Variants in PCGF6 observed in about 807,000 individuals in gnomAD.
PCGF6 encodes the protein polycomb group ring finger 6, also known as polycomb group RING finger protein 6.
A neutral mutation model predicts 45.5 loss-of-function variants in PCGF6; 24 were observed. The ratio of observed to expected loss-of-function variants is 0.53; its 90% confidence interval spans 0.38 to 0.74. The LOEUF is 0.74. PCGF6 is among the 30% of genes least tolerant of loss of function. The probability of loss-of-function intolerance (pLI) is 0.00; values close to 1 mark genes in which losing one functional copy is unlikely to be tolerated. For synonymous variants in PCGF6, 152 were observed against 162.1 expected (o/e 0.94, Z 0.47); for missense variants, 356 against 443.2 (o/e 0.80, Z 1.77).
At chr10:103,339,393 G>T (rs1217664326) in intron 6 of PCGF6, among the ~76,000 whole-genome samples, 1 of 151,452 alleles carries the variant, frequency 6.6e-6, no homozygotes, top group Non-Finnish European at 1.5e-5. Context: ...CTGTCTCAAG[G>T]AGGAAAAAAC....
intron 8 of PCGF6, among the ~76,000 whole-genome samples, chr10:103,322,798 T>C (rs1268623514): frequency 6.6e-6 from 1 of 150,806 alleles, no homozygotes; most frequent in Non-Finnish European, 1.5e-5. Context: ...CACTCCAGCA[T>C]GGGTGACAGA....
intron 9 of PCGF6, chr10:103,312,504 T>C (rs750831463): frequency 1.3e-5 from 2 of 153,378 alleles, no homozygotes; most frequent in Non-Finnish European, 2.9e-5. Context: ...AATCTCTTGA[T>C]GTTGATTCTG....
chr10:103,347,465 G>A lies in PCGF6; in HGVS notation c.558-15C>T. ...GTCGGTCCAACCTAATAAAAGGAAAGGATGGAGAATACCTCAGAATTCAGA... is the reference window on the plus strand; with the variant it reads ...GTCGGTCCAACCTAATAAAAGGAAAAGATGGAGAATACCTCAGAATTCAGA... On this transcript the variant is annotated splice_polypyrimidine_tract_variant and intron_variant, in intron 3 of 9. Coordinates refer to ENST00000369847, the MANE Select transcript of PCGF6 (RefSeq NM_001011663.2). 6.3e-7 allele frequency: 1 copy of A among 1,590,456 alleles called. No individual in the cohort carries two copies. The highest frequency in any genetic ancestry group is 8.6e-7 in the Non-Finnish European group (1 of 1,162,156).
intron 6 of PCGF6, among the ~76,000 whole-genome samples, chr10:103,339,743 G>A (rs1420088026): frequency 6.8e-6 from 1 of 147,004 alleles, no homozygotes; most frequent in African/African-American, 2.5e-5. Context: ...GTTGCAGTAA[G>A]CCAAGATCGC....
chr10:103,339,813 ACACACACAC>A lies in PCGF6; in HGVS notation c.782+5202_782+5210del, dbSNP rs1564733279. Among the ~76,000 whole-genome samples, 115 of 16,938 alleles carry A rather than the reference ACACACACAC, an allele frequency of 6.8e-3. 1 individual carries two copies. The highest frequency in any genetic ancestry group is 8.8e-3 in the East Asian group (2 of 228). The allele number at this position is 16,938 out of a possible 152,430, so 11.1% of individuals were successfully genotyped here. A position where few individuals can be genotyped will look rare whatever the true frequency, so the allele number is the denominator to read the frequency against. On this transcript the variant is annotated intron_variant, in intron 6 of 9. Coordinates refer to ENST00000369847, the MANE Select transcript of PCGF6 (RefSeq NM_001011663.2). ...ATTCTGTCTGTCTCAAAAAAAAAACACACACACACACACACACACACACACACACACACA... is the reference window on the plus strand; with the variant it reads ...ATTCTGTCTGTCTCAAAAAAAAAACAACACACACACACACACACACACACA...
At chr10:103,337,127 A>G (rs2093260026) in intron 6 of PCGF6, among the ~76,000 whole-genome samples, 1 of 152,150 alleles carries the variant, frequency 6.6e-6, no homozygotes, top group African/African-American at 2.4e-5. Flanking sequence ...ATACCTGTTT[A>G]CCAATATCTC....
In PCGF6 at chr10:103,350,782, C is replaced by G; in HGVS notation, c.285G>C (p.Glu95Asp). 6.4e-7 allele frequency: 1 copy of G among 1,550,628 alleles called. No individual in the cohort carries two copies. ...EEEEELEEEE[E>D]EEEEDMSHFS... ...AGTGACTCATGTCCTCCTCCTCCTC[C>G]TCTTCTTCCTCCTCCAGCTCCTCTT... Residue 95 changes from glutamate to aspartate, a missense_variant, in exon 1 of 10, where the codon GAG becomes GAC. By Grantham distance (45) the Glu-to-Asp change is conservative. Around this residue, in one of 2 missense-constraint regions of PCGF6, gnomAD observed 307 missense variants for 350.1 expected, o/e 0.88. Transcript: ENST00000369847.
At chr10:103,349,479 G>GGTT (rs1554866488) in intron 1 of PCGF6, among the ~76,000 whole-genome samples, 5 of 108,148 alleles carry the variant, frequency 4.6e-5, no homozygotes, top group Non-Finnish European at 8.6e-5. Context: ...CTTTCTTTCC[G>GGTT]TTTTTTTTTT....
chr10:103,344,971 A>G (rs2093294059), intron 6 of PCGF6, 53 bp downstream of exon 6: 9 of 1,235,002 alleles, frequency 7.3e-6, no homozygotes, highest in Admixed American at 4.3e-5. Flanking sequence ...ATGATTTCCT[A>G]TTAGGACTTT....
intron 7 of PCGF6, among the ~76,000 whole-genome samples, chr10:103,331,440 T>C (rs1158897575): frequency 6.6e-6 from 1 of 152,012 alleles, no homozygotes; most frequent in Non-Finnish European, 1.5e-5. Context: ...GTATTTTTAA[T>C]AGAGATAGAG....
intron 6 of PCGF6, among the ~76,000 whole-genome samples, chr10:103,338,233 C>T (rs1284596922): frequency 6.7e-6 from 1 of 148,338 alleles, no homozygotes; most frequent in African/African-American, 2.5e-5. Context: ...AAGAGAAAAC[C>T]CTGTCTCAAA....
rs1301623231 is a variant in PCGF6, at chr10:103,309,932, AAC to A, written c.996+4252_996+4253del. 9.9e-5 allele frequency among the ~76,000 whole-genome samples: 15 copies of A among 151,692 alleles called. No individual in the cohort carries two copies. In the Admixed American group the frequency reaches 9.9e-4, roughly 10 times the overall value. ...ATTCCATGCATTCTAGGCTGGGCAAAACAGAGTGAGACCTTGTCTTTCTTTTT... is the reference window on the plus strand; with the variant it reads ...ATTCCATGCATTCTAGGCTGGGCAAAAGAGTGAGACCTTGTCTTTCTTTTT... On this transcript the variant is annotated intron_variant, in intron 9 of 9. Transcript: ENST00000369847.
In PCGF6 at chr10:103,341,816, GAAAAC is replaced by G. The variant is rs920120525; in HGVS notation, c.782+3203_782+3207del. Among the ~76,000 whole-genome samples, 11 of 152,076 alleles carry G rather than the reference GAAAAC, an allele frequency of 7.2e-5. No homozygotes were observed. In the South Asian group the frequency reaches 8.3e-4, roughly 12 times the overall value. ...ACTCCAGCCTTCTTTTGATTAGTAT[GAAAAC>G]AAAACAAAAGTCACATTGTCACATG... On this transcript the variant is annotated intron_variant, in intron 6 of 9. Transcript: ENST00000369847.
intron 8 of PCGF6, among the ~76,000 whole-genome samples, chr10:103,323,443 T>C (rs1663072410): frequency 6.6e-6 from 1 of 152,056 alleles, no homozygotes. Flanking sequence ...ATTACAAGCA[T>C]GCGCCACCAC....
In PCGF6 at chr10:103,311,894, G is replaced by A. The variant is rs1211444148; in HGVS notation, c.996+2292C>T. 2.7e-5 allele frequency among the ~76,000 whole-genome samples: 4 copies of A among 149,248 alleles called. No homozygotes were observed. In the East Asian group the frequency reaches 8.2e-4, roughly 30 times the overall value. ...ACTTGAGGCCAAGAGTTTGAGATTA[G>A]CCTCGCCAACACGGTGAAACCTCAT... On this transcript the variant is annotated intron_variant, in intron 9 of 9. Transcript: ENST00000369847.
chr10:103,349,910 G>A (rs1183024156), intron 1 of PCGF6, among the ~76,000 whole-genome samples: 1 of 151,334 alleles, frequency 6.6e-6, no homozygotes, highest in Non-Finnish European at 1.5e-5. Flanking sequence ...GTGAAACCCC[G>A]TCTCTACTAA....
intron 6 of PCGF6, among the ~76,000 whole-genome samples, chr10:103,341,977 C>A (rs906160606): frequency 6.6e-6 from 1 of 152,048 alleles, no homozygotes; most frequent in Non-Finnish European, 1.5e-5. Context: ...TCTCTGTCAC[C>A]CAGGCTGGAG....
At chr10:103,316,013 T>TATATAGAGAG (rs1311416309) in intron 8 of PCGF6, among the ~76,000 whole-genome samples, 13 of 119,522 alleles carry the variant, frequency 1.1e-4, no homozygotes, top group African/African-American at 3.9e-4. Flanking sequence ...TATATATATA[T>TATATAGAGAG]AGAGAGAGAG....
chr10:103,341,900 T>C lies in PCGF6; in HGVS notation c.782+3124A>G, dbSNP rs374509878. On this transcript the variant is annotated intron_variant, in intron 6 of 9. Coordinates refer to ENST00000369847, the MANE Select transcript of PCGF6 (RefSeq NM_001011663.2). ...AGACTTGTTCCCATCCCAGACTCAA[T>C]AGACTCCAGTGCCGCTTCCTAGGGG... Among the ~76,000 whole-genome samples, 16 of 151,936 alleles carry C rather than the reference T, an allele frequency of 1.1e-4. No homozygotes were observed. In the East Asian group the frequency reaches 1.4e-3, roughly 13 times the overall value.
Sources: gnomAD v4.1 joint callset for allele counts (sites outside exome capture counted in the v4.1 genomes callset) on GRCh38, gnomAD v4.1.1 for gene constraint, gnomAD v4.1.1 regional missense constraint, MANE v1.5 for transcripts, NCBI Gene and HGNC (gene_info 2026-07-23, HGNC 2026-07-21) for gene names.